Variants in PRKAR1B observed in about 807,000 individuals in gnomAD.
PRKAR1B encodes the protein cAMP-dependent protein kinase type I-beta regulatory subunit.
In PRKAR1B, 22 loss-of-function variants were observed where a neutral mutation model predicts 46.5. That is an observed-to-expected ratio of 0.47 (90% CI 0.34 to 0.68). PRKAR1B has a LOEUF of 0.68. Among genes scored for constraint, PRKAR1B ranks in the 30% least tolerant of loss-of-function variants. PRKAR1B has a pLI of 0.01. For synonymous variants in PRKAR1B, 259 were observed against 217.7 expected, an observed-to-expected ratio of 1.19 and a Z score of -1.67; for missense variants, 445 against 535.6, an observed-to-expected ratio of 0.83 and a Z score of 1.67.
At chr7:616,991 C>CTT (rs71016889) in intron 4 of PRKAR1B, among the ~76,000 whole-genome samples, 1,325 of 114,588 alleles carry the variant, frequency 0.012, 56 homozygotes, top group South Asian at 0.035. Flanking sequence ...CACCCAAGTG[C>CTT]TTTTTTTTTT....
At chr7:665,376 A>T (rs1785847333) in intron 4 of PRKAR1B, among the ~76,000 whole-genome samples, 1 of 152,174 alleles carries the variant, frequency 6.6e-6, no homozygotes, top group South Asian at 2.1e-4. Flanking sequence ...CTCCCCTGCC[A>T]AACGGCAGCC....
At chr7:702,484 C>A (rs1007274788) in intron 2 of PRKAR1B, among the ~76,000 whole-genome samples, 3 of 152,098 alleles carry the variant, frequency 2.0e-5, no homozygotes, top group Non-Finnish European at 4.4e-5. Flanking sequence ...AAATTAACAT[C>A]AAGATTTGCA....
In PRKAR1B at chr7:607,468, C is replaced by A. The variant is rs973721293; in HGVS notation, c.441-16G>T. ...GAATATGTCACTGAAAAGCAAAACA[C>A]GCCAAATTAGGGCTGCAGGCAGCAC... On this transcript the variant is annotated splice_polypyrimidine_tract_variant and intron_variant, in intron 4 of 10. Transcript: ENST00000537384. 1 of 1,612,110 alleles carries A rather than the reference C, an allele frequency of 6.2e-7. No individual in the cohort carries two copies.
chr7:596,204 G>A lies in PRKAR1B; in HGVS notation c.650C>T (p.Ala217Val). ...CCCCCAGAGCTTGAGGTCCGTCTTG[G>A]CTTTCACGGTCGCAGCCCTGGGGGT... is the stretch of plus-strand genomic sequence containing the variant. The part of the protein sequence containing the change: ...YGTPRAATVK[A>V]KTDLKLWGID... The change falls in exon 7 of 11, where the codon GCC becomes GTC. Residue 217 changes from alanine (A) to valine (V), a missense_variant. By Grantham distance (64) the Ala-to-Val change is moderately conservative. Coordinates refer to ENST00000537384, the MANE Select transcript of PRKAR1B (RefSeq NM_001164760.2). 6.2e-7 allele frequency: 1 copy of A among 1,614,018 alleles called. No homozygotes were observed. The highest frequency in any genetic ancestry group is 2.2e-5 in the East Asian group (1 of 44,882).
rs1780816655 is a variant in PRKAR1B at position 714,825 on chromosome 7, G to A, written c.-22-3298C>T. On this transcript the variant is annotated intron_variant, in intron 1 of 10. Transcript: ENST00000537384. The surrounding 1 kb of genome is among the most constrained non-coding windows in gnomAD (Gnocchi z 4.3). The stretch of plus-strand genomic sequence containing the variant: ...AGAAACAGGATCCTAGAGAAATGGA[G>A]CCACGGCCGTCCTCAAACCAAACCT... Among the ~76,000 whole-genome samples the A allele has an allele frequency of 6.6e-6, 1 of 152,214 alleles. No individual in the cohort carries two copies. The highest frequency in any genetic ancestry group is 2.1e-4 in the South Asian group (1 of 4,830).
chr7:655,258 C>T (rs1785135211), intron 4 of PRKAR1B, among the ~76,000 whole-genome samples: 1 of 152,218 alleles, frequency 6.6e-6, no homozygotes, highest in South Asian at 2.1e-4. Context: ...CCTACAAGAT[C>T]TGGCGCCTCT....
chr7:584,539 G>A lies in PRKAR1B; in HGVS notation c.738C>T (p.Tyr246=), dbSNP rs1047059777. The A allele has an allele frequency of 1.2e-6, 2 of 1,613,882 alleles. No individual in the cohort carries two copies. Among genetic ancestry groups the A allele is most frequent in the Non-Finnish European group, 1.7e-6 (2 of 1,179,960 alleles). ...MGSTLRKRKM[Y]EEFLSKVSIL... is the part of the protein sequence containing the mutation. ...TGGAGACCTTGCTGAGGAACTCCTCGTACATCTTGCGTTTCCTCAGCGTGC... is the reference window on the plus strand; with the variant it reads ...TGGAGACCTTGCTGAGGAACTCCTCATACATCTTGCGTTTCCTCAGCGTGC... The change falls in exon 8 of 11, where the codon TAC becomes TAT. Residue 246 remains tyrosine (Y), a synonymous_variant. Transcript: ENST00000537384.
chr7:626,038 A>G (rs1222723152), intron 4 of PRKAR1B, among the ~76,000 whole-genome samples: 1 of 151,992 alleles, frequency 6.6e-6, no homozygotes, highest in Admixed American at 6.6e-5. Context: ...GAAAGAAAGA[A>G]AAACTCTATG....
intron 4 of PRKAR1B, among the ~76,000 whole-genome samples, chr7:660,331 G>A (rs1374658928): frequency 6.6e-6 from 1 of 151,974 alleles, no homozygotes; most frequent in Non-Finnish European, 1.5e-5. Flanking sequence ...CTCCCCGGGT[G>A]CCACAGGCCC....
Position 583,471 on chromosome 7 carries a change from TCA to T in PRKAR1B, c.769+1035_769+1036del, listed in dbSNP as rs544138975. ...CTCACACCCACTCACACACGTGCAC[TCA>T]CACCCACGCACACACGTGTGTGCAC... On this transcript the variant is annotated intron_variant, in intron 8 of 10. Transcript: ENST00000537384. Among the ~76,000 whole-genome samples the T allele has an allele frequency of 6.7e-4, 82 of 121,772 alleles. 3 individuals are homozygous for T. Among genetic ancestry groups the T allele is most frequent in the African/African-American group, 2.0e-3 (61 of 30,776 alleles). The allele number at this position is 121,772 out of a possible 152,430, so 79.9% of individuals were successfully genotyped here.
chr7:583,463 AC>A (rs1291248927), intron 8 of PRKAR1B, among the ~76,000 whole-genome samples: 1 of 143,248 alleles, frequency 7.0e-6, no homozygotes, highest in Non-Finnish European at 1.5e-5. Flanking sequence ...CCACTCACAC[AC>A]GTGCACTCAC....
In PRKAR1B at chr7:630,208, G is replaced by A. The variant is rs561039630; in HGVS notation, c.441-22756C>T. Among the ~76,000 whole-genome samples, 9 of 152,352 alleles carry A rather than the reference G, an allele frequency of 5.9e-5. No homozygotes were observed. In the South Asian group the frequency reaches 1.7e-3, roughly 28 times the overall value. ...TCCAGGACCAGGGCACTTGAAAGGT[G>A]TGGAGGGGGCTGGGCCAGGCCAGGC... On this transcript the variant is annotated intron_variant, in intron 4 of 10. Transcript: ENST00000537384.
At chr7:606,923 CACAT>C (rs886702117) in intron 5 of PRKAR1B, among the ~76,000 whole-genome samples, 3 of 151,998 alleles carry the variant, frequency 2.0e-5, no homozygotes, top group Non-Finnish European at 4.4e-5. Context: ...TACATGTACA[CACAT>C]ATGTGTGCAC....
rs146468245 is a variant in PRKAR1B at position 563,529 on chromosome 7, G to A, written c.892-12059C>T. ...GCTTCAGCCTCTGCAACCTCTGCAC[G>A]CTGGGTGTGTGTGTGCATGCATGTG... is the stretch of plus-strand genomic sequence containing the variant. On this transcript the variant is annotated intron_variant, in intron 9 of 10. Transcript: ENST00000537384. Among the ~76,000 whole-genome samples, 1,451 of 152,374 alleles carry A rather than the reference G, an allele frequency of 9.5e-3. 25 individuals are homozygous for A. The highest frequency in any genetic ancestry group is 0.033 in the African/African-American group (1,368 of 41,592).
At chr7:686,230 G>A (rs981085009) in intron 2 of PRKAR1B, among the ~76,000 whole-genome samples, 21 of 152,204 alleles carry the variant, frequency 1.4e-4, no homozygotes, top group African/African-American at 4.6e-4. Flanking sequence ...GAACATGGGA[G>A]GTGGAGCTTG....
intron 9 of PRKAR1B, among the ~76,000 whole-genome samples, chr7:559,881 G>T (rs1179595428): frequency 6.6e-6 from 1 of 152,210 alleles, no homozygotes; most frequent in Non-Finnish European, 1.5e-5. Context: ...TTCAAGGTCA[G>T]CCTGCGCAAC....
chr7:594,125 C>A (rs1360490640), intron 7 of PRKAR1B, among the ~76,000 whole-genome samples: 2 of 152,180 alleles, frequency 1.3e-5, no homozygotes, highest in Non-Finnish European at 2.9e-5. Context: ...CAGGACTCTC[C>A]CCAGTCCTGC....
At chr7:719,647 G>C (rs571981244) in intron 1 of PRKAR1B, among the ~76,000 whole-genome samples, 2 of 152,210 alleles carry the variant, frequency 1.3e-5, no homozygotes, top group Admixed American at 1.3e-4. Context: ...CCAGTTTATA[G>C]CTATTCCGTC....
chr7:562,840 C>T (rs774600682), intron 9 of PRKAR1B, among the ~76,000 whole-genome samples: 3 of 152,206 alleles, frequency 2.0e-5, no homozygotes, highest in Non-Finnish European at 4.4e-5. Flanking sequence ...TGCTGACCCC[C>T]GGCCAGGATG....
Sources: gnomAD v4.1 joint callset for allele counts (sites outside exome capture counted in the v4.1 genomes callset) on GRCh38, gnomAD v4.1.1 for gene constraint, Gnocchi (gnomAD v3.1) non-coding constraint, MANE v1.5 for transcripts, NCBI Gene and HGNC (gene_info 2026-07-23, HGNC 2026-07-21) for gene names.